EBPL: variants seen among roughly 807,000 people sequenced by gnomAD.
EBPL encodes emopamil-binding protein-like.
A neutral mutation model predicts 19.0 loss-of-function variants in EBPL; 20 were observed. The observed-to-expected ratio is 1.05, with a 90% CI of 0.74 to 1.53. The LOEUF is 1.53. Among genes scored for constraint, EBPL ranks in the 40% most tolerant of loss-of-function variants. EBPL has a pLI of 0.00. For synonymous variants in EBPL, 107 were observed against 117.0 expected, an observed-to-expected ratio of 0.91 and a Z score of 0.55; for missense variants, 219 against 261.1, an observed-to-expected ratio of 0.84 and a Z score of 1.11.
At chr13:49,669,675 C>G in intron 2 of EBPL, 102 bp downstream of exon 2, 1 of 1,006,658 alleles carries the variant, frequency 9.9e-7, no homozygotes, top group Non-Finnish European at 1.5e-6. Context: ...CTGGACATTT[C>G]ATATAAATGA....
chr13:49,685,352 T>G (rs1228523026), intron 1 of EBPL, among the ~76,000 whole-genome samples: 1 of 152,182 alleles, frequency 6.6e-6, no homozygotes, highest in Non-Finnish European at 1.5e-5. Context: ...AAGAATGGAT[T>G]AGTCAATAAA....
At chr13:49,678,883 G>A (rs1307036515) in intron 1 of EBPL, among the ~76,000 whole-genome samples, 1 of 151,480 alleles carries the variant, frequency 6.6e-6, no homozygotes. Flanking sequence ...TGGGTGGCAC[G>A]CGCCTGTATT....
rs549311751 is a variant in EBPL, at chr13:49,667,401, G to C, written c.241+2376C>G. ...CCATTGTTGTGTCCTCAACCAGACA[G>C]TGGAGACCAGGAGATGCTGAGTATT... On this transcript the variant is annotated intron_variant, in intron 2 of 3. Coordinates refer to ENST00000242827, the MANE Select transcript of EBPL (RefSeq NM_032565.5). 7.2e-5 allele frequency among the ~76,000 whole-genome samples: 11 copies of C among 152,308 alleles called. No homozygotes were observed. In the East Asian group the frequency reaches 1.7e-3, roughly 24 times the overall value.
At chr13:49,687,802 T>C (rs1483527664) in intron 1 of EBPL, among the ~76,000 whole-genome samples, 1 of 152,260 alleles carries the variant, frequency 6.6e-6, no homozygotes. Flanking sequence ...GGAATCAAAC[T>C]GGACTACCTT....
chr13:49,678,401 G>A (rs1028827554), intron 1 of EBPL, among the ~76,000 whole-genome samples: 3 of 152,234 alleles, frequency 2.0e-5, no homozygotes, highest in Non-Finnish European at 4.4e-5. Context: ...CCCTTCAGGA[G>A]CGGGGGTGGT....
intron 1 of EBPL, among the ~76,000 whole-genome samples, chr13:49,685,920 G>C (rs1313793453): frequency 2.0e-5 from 3 of 152,066 alleles, no homozygotes; most frequent in Non-Finnish European, 4.4e-5. Context: ...TGGGCAGTGA[G>C]GAACAGACGG....
At chr13:49,684,629 C>T (rs547172673) in intron 1 of EBPL, among the ~76,000 whole-genome samples, 6 of 152,244 alleles carry the variant, frequency 3.9e-5, no homozygotes, top group East Asian at 1.9e-4. Flanking sequence ...GAGCTGAGAT[C>T]GCGCCACTGC....
intron 3 of EBPL, among the ~76,000 whole-genome samples, chr13:49,662,186 C>T (rs986600684): frequency 7.9e-5 from 12 of 152,182 alleles, no homozygotes; most frequent in Non-Finnish European, 1.6e-4. Flanking sequence ...TGAGTAGAGA[C>T]GGGGTTTCAC....
chr13:49,677,955 A>G (rs1953894835), intron 1 of EBPL, among the ~76,000 whole-genome samples: 1 of 152,198 alleles, frequency 6.6e-6, no homozygotes, highest in African/African-American at 2.4e-5. Context: ...GGCAATGCGG[A>G]CCCAAAGACT....
chr13:49,667,547 T>G (rs190310690), intron 2 of EBPL, among the ~76,000 whole-genome samples: 1 of 152,274 alleles, frequency 6.6e-6, no homozygotes, highest in Admixed American at 6.5e-5. Flanking sequence ...GATTCCCAGG[T>G]GATCTGGGGC....
chr13:49,678,044 G>C (rs946211556), intron 1 of EBPL, among the ~76,000 whole-genome samples: 1 of 152,160 alleles, frequency 6.6e-6, no homozygotes, highest in Non-Finnish European at 1.5e-5. Flanking sequence ...CCGGTTGCCG[G>C]GGCTGGCTTG....
intron 1 of EBPL, among the ~76,000 whole-genome samples, chr13:49,683,739 C>T (rs1041181530): frequency 5.9e-5 from 9 of 152,104 alleles, no homozygotes; most frequent in African/African-American, 1.9e-4. Context: ...GCAACAGGAA[C>T]TCGCACACAA....
intron 2 of EBPL, among the ~76,000 whole-genome samples, chr13:49,664,383 G>A (rs1001229534): frequency 1.3e-5 from 2 of 152,146 alleles, no homozygotes; most frequent in African/African-American, 4.8e-5. Flanking sequence ...CGCCCACAGG[G>A]ACAGGGAACT....
chr13:49,686,964 T>A (rs983635865), intron 1 of EBPL, among the ~76,000 whole-genome samples: 8 of 152,082 alleles, frequency 5.3e-5, no homozygotes, highest in Non-Finnish European at 1.2e-4. Flanking sequence ...CCCAGCTAAT[T>A]TTTCGTAGAG....
intron 1 of EBPL, among the ~76,000 whole-genome samples, chr13:49,679,523 T>C (rs1407992529): frequency 6.6e-6 from 1 of 152,130 alleles, no homozygotes; most frequent in East Asian, 1.9e-4. Flanking sequence ...TTTCTTTCTT[T>C]TTTTCTTGTT....
At chr13:49,690,516 G>A (rs1954051612) in intron 1 of EBPL, among the ~76,000 whole-genome samples, 2 of 151,144 alleles carry the variant, frequency 1.3e-5, no homozygotes, top group Admixed American at 6.6e-5. Flanking sequence ...GGGGGGCGGG[G>A]CATTTCAATA....
chr13:49,669,499 G>T (rs1021789442), intron 2 of EBPL, among the ~76,000 whole-genome samples: 5 of 152,048 alleles, frequency 3.3e-5, no homozygotes, highest in African/African-American at 1.2e-4. Context: ...GGTTTTAGTA[G>T]AATCACAGGT....
At chr13:49,678,502 G>A (rs919927899) in intron 1 of EBPL, among the ~76,000 whole-genome samples, 13 of 152,190 alleles carry the variant, frequency 8.5e-5, no homozygotes, top group Non-Finnish European at 1.3e-4. Context: ...CAGCGCGGAC[G>A]GGCCAGCAGT....
At chr13:49,687,176 G>A (rs73192678) in intron 1 of EBPL, among the ~76,000 whole-genome samples, 9,475 of 152,160 alleles carry the variant, frequency 0.062, 348 homozygotes, top group South Asian at 0.11. Flanking sequence ...TAGTTAACAT[G>A]ATCACCATTA....
Sources: gnomAD v4.1 joint callset for allele counts (sites outside exome capture counted in the v4.1 genomes callset) on GRCh38, gnomAD v4.1.1 for gene constraint, MANE v1.5 for transcripts, NCBI Gene and HGNC (gene_info 2026-07-23, HGNC 2026-07-21) for gene names.